The following ITGB1 variants were observed in gnomAD, a reference collection of about 807,000 sequenced individuals.
The protein encoded by ITGB1 is integrin subunit beta 1, also known as integrin beta-1.
A neutral mutation model predicts 86.5 loss-of-function variants in ITGB1; 24 were observed. That is an observed-to-expected ratio of 0.28 (90% CI 0.20 to 0.39). ITGB1 has a LOEUF of 0.39. ITGB1 is among the 10% of genes least tolerant of loss of function. The pLI, the probability that ITGB1 is intolerant of heterozygous loss-of-function variation, is 1.00. For missense variants in ITGB1, 556 were observed against 946.9 expected (o/e 0.59, Z 5.42); for synonymous variants, 323 against 316.8 (o/e 1.02, Z -0.21).
chr10:32,914,267 A>G (rs1188379587), intron 11 of ITGB1, among the ~76,000 whole-genome samples: 1 of 152,216 alleles, frequency 6.6e-6, no homozygotes, highest in East Asian at 1.9e-4. Flanking sequence ...TAATGAGCAA[A>G]ATAACCAGCT....
intron 9 of ITGB1, among the ~76,000 whole-genome samples, chr10:32,921,692 C>T (rs903378500): frequency 6.6e-6 from 1 of 152,186 alleles, no homozygotes; most frequent in Non-Finnish European, 1.5e-5. Flanking sequence ...TTCAATTCAA[C>T]TTCCTCCCAT....
intron 4 of ITGB1, among the ~76,000 whole-genome samples, chr10:32,929,429 G>A (rs1246032737): frequency 2.0e-5 from 3 of 152,080 alleles, no homozygotes; most frequent in African/African-American, 7.2e-5. Context: ...GGGACTAACA[G>A]ACATAATTAC....
intron 1 of ITGB1, among the ~76,000 whole-genome samples, chr10:32,951,495 G>A (rs2095042590): frequency 6.6e-6 from 1 of 152,024 alleles, no homozygotes; most frequent in African/African-American, 2.4e-5. Context: ...ATTCAAATGG[G>A]GGTAAAGGGG....
At chr10:32,951,189 C>G (rs2095041919) in intron 1 of ITGB1, among the ~76,000 whole-genome samples, 2 of 152,014 alleles carry the variant, frequency 1.3e-5, no homozygotes, top group African/African-American at 4.8e-5. Flanking sequence ...CAGAAAATCT[C>G]AAATAGATCT....
chr10:32,922,172 T>A, intron 9 of ITGB1, 85 bp downstream of exon 9: 1 of 814,142 alleles, frequency 1.2e-6, no homozygotes, highest in Non-Finnish European at 1.9e-6. Flanking sequence ...CGCTAAAGTG[T>A]GTATGAAGGA....
chr10:32,935,133 T>C (rs1356429331), intron 2 of ITGB1, among the ~76,000 whole-genome samples: 4 of 152,214 alleles, frequency 2.6e-5, no homozygotes, highest in Admixed American at 6.5e-5. Flanking sequence ...CAGATAATAA[T>C]GGACAGTTCA....
intron 1 of ITGB1, among the ~76,000 whole-genome samples, chr10:32,938,200 T>C (rs2275746): frequency 0.095 from 14,411 of 152,264 alleles, 874 homozygotes; most frequent in Admixed American, 0.2. Flanking sequence ...TCCATTAGAC[T>C]ATAATTCTAA....
At chr10:32,947,633 C>T (rs1238700269) in intron 1 of ITGB1, among the ~76,000 whole-genome samples, 2 of 152,010 alleles carry the variant, frequency 1.3e-5, no homozygotes, top group Non-Finnish European at 2.9e-5. Context: ...CTGTATCTAG[C>T]GCAATGTCTT....
chr10:32,949,747 T>A (rs2095039079), intron 1 of ITGB1, among the ~76,000 whole-genome samples: 1 of 152,208 alleles, frequency 6.6e-6, no homozygotes, highest in Admixed American at 6.5e-5. Flanking sequence ...TGTAAACTAA[T>A]CTTTATCCAT....
chr10:32,934,516 T>C (rs932929289), intron 2 of ITGB1, among the ~76,000 whole-genome samples: 1 of 152,178 alleles, frequency 6.6e-6, no homozygotes, highest in East Asian at 1.9e-4. Context: ...ACTACTAATA[T>C]AAGCTCCCAC....
chr10:32,912,316 T>C (rs564178400), intron 11 of ITGB1, among the ~76,000 whole-genome samples, 192 bp from the exon 12 acceptor site: 2 of 152,242 alleles, frequency 1.3e-5, no homozygotes, highest in Admixed American at 6.5e-5. Context: ...GTGCAGCCCA[T>C]GGAGTGTGAG....
chr10:32,913,950 A>G (rs952378337), intron 11 of ITGB1, among the ~76,000 whole-genome samples: 3 of 152,246 alleles, frequency 2.0e-5, no homozygotes, highest in Non-Finnish European at 2.9e-5. Context: ...GAAGCCCATC[A>G]GACTAGCAGC....
At chr10:32,947,639 G>A (rs889272630) in intron 1 of ITGB1, among the ~76,000 whole-genome samples, 2 of 152,078 alleles carry the variant, frequency 1.3e-5, no homozygotes, top group African/African-American at 4.8e-5. Context: ...CTAGCGCAAT[G>A]TCTTTATATT....
Position 32,910,448 on chromosome 10 carries a change from C to T in ITGB1, c.1939G>A (p.Val647Ile), listed in dbSNP as rs141385192. The T allele has an allele frequency of 1.3e-6, 2 of 1,569,758 alleles. No homozygotes were observed. The highest frequency in any genetic ancestry group is 2.3e-5 in the East Asian group (1 of 44,442). ...CCTTTATTGAAGGCTCTGCACTGAA[C>T]ACATTCTCTGTTACAAAAAACACAA... ...LGVCAEHKEC[V>I]QCRAFNKGEK... The change falls in exon 14 of 16, where the codon GTT becomes ATT. Residue 647 changes from valine (V) to isoleucine (I), a missense_variant. Val to Ile is a conservative substitution (Grantham distance 29). This residue lies in a region of ITGB1 where 330 missense variants were observed against 531.5 expected (regional missense o/e 0.62). Transcript: ENST00000302278.
chr10:32,935,624 A>C (rs2094999106), intron 1 of ITGB1, 66 bp from the exon 2 acceptor site: 1 of 1,130,232 alleles, frequency 8.8e-7, no homozygotes, highest in Non-Finnish European at 1.3e-6. Flanking sequence ...TTAAATAGAA[A>C]GTATTACCCC....
At chr10:32,937,185 A>G (rs529872721) in intron 1 of ITGB1, among the ~76,000 whole-genome samples, 1 of 152,338 alleles carries the variant, frequency 6.6e-6, no homozygotes, top group East Asian at 1.9e-4. Flanking sequence ...TAAATATCCT[A>G]TATCCAATAA....
At chr10:32,944,358 A>C (rs1322850538) in intron 1 of ITGB1, 2 of 220,250 alleles carry the variant, frequency 9.1e-6, no homozygotes, top group Non-Finnish European at 1.8e-5. Flanking sequence ...GCTGGGCCAA[A>C]GCCCTTGTTC....
chr10:32,915,017 A>G (rs548099012), intron 11 of ITGB1, among the ~76,000 whole-genome samples: 3 of 152,336 alleles, frequency 2.0e-5, no homozygotes, highest in African/African-American at 7.2e-5. Flanking sequence ...AAACTCACTC[A>G]AAACTGCTCA....
intron 1 of ITGB1, chr10:32,957,827 C>G (rs1049462684): frequency 1.3e-5 from 2 of 152,202 alleles, no homozygotes; most frequent in Admixed American, 6.5e-5. Flanking sequence ...CCCCGCAGCT[C>G]CGGCAGCCCC....
Sources: allele counts gnomAD v4.1 joint callset (sites outside exome capture counted in the v4.1 genomes callset), GRCh38; gene constraint gnomAD v4.1.1; regional missense constraint gnomAD v4.1.1; transcripts MANE v1.5; gene names NCBI Gene and HGNC (gene_info 2026-07-23, HGNC 2026-07-21).